Variants in UBR2 observed in about 807,000 individuals in gnomAD.
UBR2 encodes ubiquitin protein ligase E3 component n-recognin 2, also known as E3 ubiquitin-protein ligase UBR2.
Under a neutral mutation model 247.9 loss-of-function variants are expected in UBR2, and 92 were observed. The ratio of observed to expected loss-of-function variants is 0.37; its 90% confidence interval spans 0.31 to 0.44. The LOEUF (loss-of-function observed/expected upper bound fraction) is 0.44, where lower values mean the gene tolerates loss of function less well. Among genes scored for constraint, UBR2 ranks in the 20% least tolerant of loss-of-function variants. The pLI, the probability that UBR2 is intolerant of heterozygous loss-of-function variation, is 1.00. For missense variants in UBR2, 1,613 were observed against 2,112.6 expected, an observed-to-expected ratio of 0.76 and a Z score of 4.64; for synonymous variants, 672 against 693.5, an observed-to-expected ratio of 0.97 and a Z score of 0.49.
intron 1 of UBR2, among the ~76,000 whole-genome samples, chr6:42,566,461 T>G (rs1267366721): frequency 6.6e-6 from 1 of 152,226 alleles, no homozygotes; most frequent in Non-Finnish European, 1.5e-5. Context: ...CTTGGCTTAC[T>G]GCAACCTCCG....
intron 11 of UBR2, among the ~76,000 whole-genome samples, chr6:42,626,210 T>G (rs896062918): frequency 3.3e-5 from 5 of 152,194 alleles, no homozygotes; most frequent in Admixed American, 3.3e-4. Flanking sequence ...TTTTCTTTCG[T>G]GACCACCAAT....
intron 26 of UBR2, 33 bp from the exon 27 acceptor site, chr6:42,657,991 A>G (rs760975023): frequency 1.3e-6 from 2 of 1,499,824 alleles, no homozygotes; most frequent in Non-Finnish European, 1.9e-6. Context: ...AGTATTAGCT[A>G]TTGTTATTGT....
At chr6:42,641,417 A>G (rs1796438344) in intron 16 of UBR2, among the ~76,000 whole-genome samples, 165 bp from the exon 17 acceptor site, 1 of 152,086 alleles carries the variant, frequency 6.6e-6, no homozygotes, top group African/African-American at 2.4e-5. Flanking sequence ...CACTGCACTA[A>G]AGCCTGGGTG....
At chr6:42,650,226 C>A in intron 22 of UBR2, 58 bp from the exon 23 acceptor site, 1 of 1,378,446 alleles carries the variant, frequency 7.3e-7, no homozygotes, top group Middle Eastern at 1.8e-4. Context: ...CCAAGACTAT[C>A]TCTCATAAAT....
chr6:42,614,314 G>GTGTGTA (rs1794324850), intron 8 of UBR2, among the ~76,000 whole-genome samples: 1 of 120,786 alleles, frequency 8.3e-6, no homozygotes, highest in Admixed American at 8.9e-5. Context: ...GCGTATATGG[G>GTGTGTA]TATGTATATA....
intron 11 of UBR2, among the ~76,000 whole-genome samples, chr6:42,623,402 C>T (rs1033853043): frequency 6.6e-6 from 1 of 152,078 alleles, no homozygotes; most frequent in African/African-American, 2.4e-5. Context: ...CTCCCGAGTA[C>T]CTGGGACTAT....
Position 42,658,018 on chromosome 6 carries a change from C to T in UBR2, c.2873-6C>T, listed in dbSNP as rs755509813. ...TGTTATTGTGCCTTTTATTTTTCTG[C>T]CGTAGAACCTGGTGAAGCGCCAAAA... On this transcript the variant is annotated splice_polypyrimidine_tract_variant and splice_region_variant and intron_variant, in intron 26 of 46. Transcript: ENST00000372901. 42 of 1,604,898 alleles carry T rather than the reference C, an allele frequency of 2.6e-5. No homozygotes were observed. The highest frequency in any genetic ancestry group is 3.4e-5 in the Non-Finnish European group (40 of 1,172,608).
At chr6:42,571,242 C>CA (rs774925925) in intron 1 of UBR2, among the ~76,000 whole-genome samples, 1,751 of 37,746 alleles carry the variant, frequency 0.046, 52 homozygotes, top group Middle Eastern at 0.067. Flanking sequence ...GACTCCGTCT[C>CA]AAAAAAAAAA....
At chr6:42,574,066 G>GT in intron 2 of UBR2, 73 bp downstream of exon 2, 1 of 1,400,464 alleles carries the variant, frequency 7.1e-7, no homozygotes, top group Non-Finnish European at 9.4e-7. Context: ...GAACTTTTGA[G>GT]TTTTTGTTTA....
At chr6:42,680,901 G>A (rs1244479817) in intron 42 of UBR2, among the ~76,000 whole-genome samples, 2 of 151,866 alleles carry the variant, frequency 1.3e-5, no homozygotes, top group East Asian at 1.9e-4. Flanking sequence ...GGTGGCTCAC[G>A]CCTGTAATCC....
At chr6:42,678,831 T>A (rs1798873324) in intron 41 of UBR2, among the ~76,000 whole-genome samples, 162 bp downstream of exon 41, 1 of 152,228 alleles carries the variant, frequency 6.6e-6, no homozygotes, top group South Asian at 2.1e-4. Context: ...TGTTTATGCA[T>A]ATGTCTCCAT....
intron 34 of UBR2, among the ~76,000 whole-genome samples, chr6:42,666,797 A>T (rs1798132617): frequency 6.6e-6 from 1 of 152,034 alleles, no homozygotes; most frequent in Non-Finnish European, 1.5e-5. Flanking sequence ...ACCCTATTTT[A>T]CCCCATAGCC....
intron 1 of UBR2, among the ~76,000 whole-genome samples, chr6:42,570,272 C>T (rs1034111513): frequency 2.2e-4 from 33 of 152,294 alleles, no homozygotes; most frequent in African/African-American, 7.2e-4. Flanking sequence ...TCACTCTGTC[C>T]TCCAGGCTGG....
chr6:42,643,737 A>C (rs1796581394), intron 18 of UBR2, among the ~76,000 whole-genome samples: 1 of 152,244 alleles, frequency 6.6e-6, no homozygotes, highest in Non-Finnish European at 1.5e-5. Flanking sequence ...CTGTCACTTC[A>C]GTCAGTATAA....
intron 21 of UBR2, among the ~76,000 whole-genome samples, chr6:42,647,490 G>C (rs1796842214): frequency 6.6e-6 from 1 of 151,252 alleles, no homozygotes; most frequent in Non-Finnish European, 1.5e-5. Flanking sequence ...CAGCTACTTG[G>C]TAGGCTGAGG....
In UBR2 at chr6:42,659,991, A is replaced by G; in HGVS notation, c.3442+136A>G. On this transcript the variant is annotated intron_variant, in intron 30 of 46. Coordinates refer to ENST00000372901, the MANE Select transcript of UBR2 (RefSeq NM_001363705.2). The surrounding 1 kb of genome is among the most constrained non-coding windows in gnomAD (Gnocchi z 4.3). Reference sequence around the variant, plus strand: ...GGTATCTTTGGCAGGTAACTTAGGCAGGAATTCCCCACTTGGCAGATGTGG... The same window carrying G: ...GGTATCTTTGGCAGGTAACTTAGGCGGGAATTCCCCACTTGGCAGATGTGG... 2.4e-6 allele frequency: 2 copies of G among 821,416 alleles called. No individual in the cohort carries two copies. The highest frequency in any genetic ancestry group is 1.9e-6 in the Non-Finnish European group (1 of 530,806). 50.9% of individuals were successfully genotyped at this position (821,416 alleles called of 1,614,324 possible). A position where few individuals can be genotyped will look rare whatever the true frequency, so the allele number is the denominator to read the frequency against.
intron 11 of UBR2, among the ~76,000 whole-genome samples, chr6:42,626,666 A>G (rs1472318757): frequency 6.6e-6 from 1 of 152,148 alleles, no homozygotes; most frequent in Admixed American, 6.6e-5. Context: ...CACCCCTGAC[A>G]CATAACTCCC....
chr6:42,631,124 A>G (rs1011221412), intron 11 of UBR2, among the ~76,000 whole-genome samples: 1 of 152,060 alleles, frequency 6.6e-6, no homozygotes, highest in Non-Finnish European at 1.5e-5. Context: ...TTTTGATGAA[A>G]CTTTTTCTGT....
intron 4 of UBR2, among the ~76,000 whole-genome samples, chr6:42,598,940 T>TA (rs1793176476): frequency 6.6e-6 from 1 of 152,094 alleles, no homozygotes; most frequent in South Asian, 2.1e-4. Flanking sequence ...GTGCATTCTT[T>TA]AAAAAAATTA....
Sources: allele counts gnomAD v4.1 joint callset (sites outside exome capture counted in the v4.1 genomes callset), GRCh38; gene constraint gnomAD v4.1.1; non-coding constraint Gnocchi (gnomAD v3.1); transcripts MANE v1.5; gene names NCBI Gene and HGNC (gene_info 2026-07-23, HGNC 2026-07-21).